The following MYO5B variants were observed in gnomAD, a reference collection of about 807,000 sequenced individuals.
MYO5B encodes the protein unconventional myosin-Vb.
MYO5B carries 143 observed loss-of-function variants against 229.3 expected under a neutral mutation model. The observed-to-expected ratio is 0.62, with a 90% CI of 0.54 to 0.72. The LOEUF (loss-of-function observed/expected upper bound fraction) is 0.72. Ranked by LOEUF, MYO5B falls within the 30% of genes least tolerant of loss-of-function variation. The pLI, the probability that MYO5B is intolerant of heterozygous loss-of-function variation, is 0.00. For synonymous variants in MYO5B, 918 were observed against 885.2 expected (o/e 1.04, Z -0.66); for missense variants, 2,321 against 2,331.0 (o/e 1.00, Z 0.09).
chr18:50,065,584 T>C (rs1300182473), intron 1 of MYO5B, among the ~76,000 whole-genome samples: 1 of 152,130 alleles, frequency 6.6e-6, no homozygotes, highest in Non-Finnish European at 1.5e-5. Flanking sequence ...GCCCCCATGA[T>C]CCACTCATCT....
At chr18:50,146,590 G>A (rs930345841) in intron 1 of MYO5B, among the ~76,000 whole-genome samples, 3 of 152,160 alleles carry the variant, frequency 2.0e-5, no homozygotes, top group African/African-American at 7.2e-5. Flanking sequence ...TATCTTTAGC[G>A]AAAAAGCACA....
intron 8 of MYO5B, among the ~76,000 whole-genome samples, chr18:49,983,605 C>T (rs1350999473): frequency 6.6e-6 from 1 of 152,230 alleles, no homozygotes; most frequent in Non-Finnish European, 1.5e-5. Context: ...TTTGTACCTG[C>T]TACTTCTGGA....
chr18:50,083,091 G>C (rs2031256263), intron 1 of MYO5B, among the ~76,000 whole-genome samples: 1 of 152,156 alleles, frequency 6.6e-6, no homozygotes, highest in Non-Finnish European at 1.5e-5. Context: ...GTAGAGCTTA[G>C]GTAAGTGCTT....
At chr18:49,977,445 A>C (rs2025763994) in intron 9 of MYO5B, among the ~76,000 whole-genome samples, 1 of 152,134 alleles carries the variant, frequency 6.6e-6, no homozygotes. Flanking sequence ...TTTCCAATAG[A>C]AGCTCCATCC....
intron 1 of MYO5B, among the ~76,000 whole-genome samples, chr18:50,094,249 T>C (rs1196131922): frequency 6.6e-6 from 1 of 152,230 alleles, no homozygotes; most frequent in Non-Finnish European, 1.5e-5. Flanking sequence ...CAAAATGTTA[T>C]AGTATAATCC....
chr18:49,870,201 TTTAA>T (rs1243065853), intron 27 of MYO5B, among the ~76,000 whole-genome samples: 4 of 152,214 alleles, frequency 2.6e-5, no homozygotes, highest in African/African-American at 9.6e-5. Flanking sequence ...GCCCTGGTTG[TTTAA>T]AAAGTCAAAT....
intron 1 of MYO5B, among the ~76,000 whole-genome samples, chr18:50,103,323 G>C (rs2031690551): frequency 6.6e-6 from 1 of 151,600 alleles, no homozygotes; most frequent in African/African-American, 2.4e-5. Flanking sequence ...TGGAGGCTGG[G>C]AAGGGTAAAA....
intron 22 of MYO5B, among the ~76,000 whole-genome samples, chr18:49,887,670 T>C (rs1431545384): frequency 1.3e-5 from 2 of 152,262 alleles, no homozygotes; most frequent in East Asian, 1.9e-4. Flanking sequence ...TTATAAATTA[T>C]GCAGCCACAG....
At chr18:50,015,471 G>T (rs1215454080) in intron 4 of MYO5B, among the ~76,000 whole-genome samples, 1 of 152,138 alleles carries the variant, frequency 6.6e-6, no homozygotes, top group Admixed American at 6.5e-5. Context: ...ACTATTTTCA[G>T]TAATAGTTAT....
At chr18:50,133,117 A>T (rs142498313) in intron 1 of MYO5B, among the ~76,000 whole-genome samples, 1 of 152,216 alleles carries the variant, frequency 6.6e-6, no homozygotes, top group East Asian at 1.9e-4. Context: ...TCCTTCCTGG[A>T]AAAGCAAAAA....
chr18:49,971,229 AGTTT>A (rs1453591610), intron 10 of MYO5B, among the ~76,000 whole-genome samples: 1 of 152,202 alleles, frequency 6.6e-6, no homozygotes, highest in Non-Finnish European at 1.5e-5. Flanking sequence ...GACTGGAATG[AGTTT>A]GAACTGGGAA....
intron 5 of MYO5B, among the ~76,000 whole-genome samples, chr18:50,000,510 A>C (rs9950823): frequency 6.6e-6 from 1 of 152,208 alleles, no homozygotes; most frequent in Non-Finnish European, 1.5e-5. Context: ...AGGCCATTTC[A>C]TTCTAATCCA....
At chr18:50,158,935 T>C (rs1245007177) in intron 1 of MYO5B, among the ~76,000 whole-genome samples, 1 of 152,174 alleles carries the variant, frequency 6.6e-6, no homozygotes, top group Admixed American at 6.5e-5. Flanking sequence ...TGTGCTACCC[T>C]ACACCACGAT....
At chr18:49,910,967 A>G (rs1232287806) in intron 18 of MYO5B, among the ~76,000 whole-genome samples, 6 of 152,200 alleles carry the variant, frequency 3.9e-5, no homozygotes, top group Non-Finnish European at 7.4e-5. Flanking sequence ...GCCCCTCACA[A>G]AAGGCCCCAA....
At chr18:49,957,329 A>G (rs1395474219) in intron 12 of MYO5B, among the ~76,000 whole-genome samples, 1 of 152,042 alleles carries the variant, frequency 6.6e-6, no homozygotes, top group Non-Finnish European at 1.5e-5. Flanking sequence ...AAAGCTGCTG[A>G]CAGGAGCTGA....
intron 1 of MYO5B, among the ~76,000 whole-genome samples, chr18:50,099,880 T>G (rs909422601): frequency 6.6e-6 from 1 of 152,186 alleles, no homozygotes; most frequent in African/African-American, 2.4e-5. Flanking sequence ...AAATATAGAC[T>G]ACTATTTACT....
rs752466795 is a variant in MYO5B, at chr18:49,974,503, T to C, written c.1169A>G (p.Lys390Arg). Reference protein sequence around the residue: ...KLVTTSETYVKTMSLQQVINA... With the variant: ...KLVTTSETYVRTMSLQQVINA... ...GATCACCTGCTGCAGGGACATGGTC[T>C]TGACGTAGGTCTCCGAGGTGGTGAC... The change falls in exon 10 of 40, where the codon AAG becomes AGG. Residue 390 changes from lysine to arginine, a missense_variant. Physicochemically the swap from Lys to Arg is conservative, Grantham distance 26 (BLOSUM62 2). This residue lies in a region of MYO5B where 2,113 missense variants were observed against 2,044.7 expected (regional missense o/e 1.03). Transcript: ENST00000285039. 9 of 1,614,078 alleles carry C rather than the reference T, an allele frequency of 5.6e-6. No individual in the cohort carries two copies. Among genetic ancestry groups the C allele is most frequent in the Admixed American group, 3.3e-5 (2 of 60,012 alleles).
intron 7 of MYO5B, among the ~76,000 whole-genome samples, chr18:49,987,534 T>TCCTATTAACTAGTTCAACAGGCAGA (rs2025884107): frequency 2.0e-5 from 3 of 152,042 alleles, no homozygotes; most frequent in Non-Finnish European, 4.4e-5. Flanking sequence ...ACCACAAACC[T>TCCTATTAACTAGTTCAACAGGCAGA]CCTATTAACT....
intron 23 of MYO5B, 136 bp from the exon 24 acceptor site, chr18:49,879,226 G>A (rs755654064): frequency 5.2e-5 from 53 of 1,015,012 alleles, no homozygotes; most frequent in Non-Finnish European, 6.5e-5. Flanking sequence ...AATCTATTAC[G>A]CTCCTCACCT....
Sources: gnomAD v4.1 joint callset for allele counts (sites outside exome capture counted in the v4.1 genomes callset) on GRCh38, gnomAD v4.1.1 for gene constraint, gnomAD v4.1.1 regional missense constraint, MANE v1.5 for transcripts, NCBI Gene and HGNC (gene_info 2026-07-23, HGNC 2026-07-21) for gene names.